LUZP2: variants seen among roughly 807,000 people sequenced by gnomAD.
LUZP2 encodes leucine zipper protein 2.
A neutral mutation model predicts 51.6 loss-of-function variants in LUZP2; 52 were observed. That is an observed-to-expected ratio of 1.01 (90% CI 0.81 to 1.27). The LOEUF (loss-of-function observed/expected upper bound fraction) is 1.27, where lower values mean the gene tolerates loss of function less well. Ranked by LOEUF, LUZP2 falls within the 50% of genes most tolerant of loss-of-function variation. LUZP2 has a pLI of 0.00. For missense variants in LUZP2, 436 were observed against 395.4 expected (o/e 1.10, Z -0.87); for synonymous variants, 154 against 137.3 (o/e 1.12, Z -0.85).
At chr11:25,005,120 A>T (rs763009305) in intron 9 of LUZP2, among the ~76,000 whole-genome samples, 1 of 151,892 alleles carries the variant, frequency 6.6e-6, no homozygotes, top group African/African-American at 2.4e-5. Context: ...CAAATTCCCC[A>T]CCCCCTACAG....
intron 5 of LUZP2, among the ~76,000 whole-genome samples, chr11:24,831,228 T>A (rs1850693893): frequency 6.6e-6 from 1 of 152,228 alleles, no homozygotes; most frequent in African/African-American, 2.4e-5. Flanking sequence ...TTCATATCTC[T>A]TGTTCCATTG....
At chr11:25,025,641 TAAC>T (rs993714965) in intron 9 of LUZP2, among the ~76,000 whole-genome samples, 2 of 151,866 alleles carry the variant, frequency 1.3e-5, no homozygotes, top group African/African-American at 4.8e-5. Flanking sequence ...AGTCAGGAAA[TAAC>T]AGGTGCTGGG....
chr11:25,022,550 C>G (rs1857368783), intron 9 of LUZP2, among the ~76,000 whole-genome samples: 1 of 151,924 alleles, frequency 6.6e-6, no homozygotes, highest in South Asian at 2.1e-4. Flanking sequence ...GCCATGGGCT[C>G]TCTTCACCAA....
intron 5 of LUZP2, among the ~76,000 whole-genome samples, chr11:24,815,623 A>G (rs1850157504): frequency 1.3e-5 from 2 of 152,340 alleles, no homozygotes; most frequent in Non-Finnish European, 2.9e-5. Flanking sequence ...TTAAAGCAGT[A>G]GTATCTCTCT....
At position 24,572,695 on chromosome 11, in the gene LUZP2, G is replaced by A. The variant is rs948377709; in HGVS notation, c.62+75390G>A. On this transcript the variant is annotated intron_variant, in intron 1 of 11. Transcript: ENST00000336930. ...ACAGCTTGATGTCTCTCTGCATCAG[G>A]GATTTTGGATTATAATATCCTCAGT... 3.3e-5 allele frequency among the ~76,000 whole-genome samples: 5 copies of A among 151,888 alleles called. No individual in the cohort carries two copies. In the East Asian group the frequency reaches 9.7e-4, roughly 29 times the overall value.
chr11:24,610,579 G>T (rs563128347), intron 1 of LUZP2, among the ~76,000 whole-genome samples: 32 of 152,276 alleles, frequency 2.1e-4, no homozygotes, highest in Admixed American at 6.5e-4. Context: ...ACATCTCACA[G>T]AATCCAGTGG....
chr11:24,569,612 A>T (rs1364022180), intron 1 of LUZP2, among the ~76,000 whole-genome samples: 1 of 152,054 alleles, frequency 6.6e-6, no homozygotes. Flanking sequence ...TATTATATAA[A>T]ATGTAGCAGA....
At chr11:24,507,731 G>A (rs1026629934) in intron 1 of LUZP2, among the ~76,000 whole-genome samples, 3 of 151,968 alleles carry the variant, frequency 2.0e-5, no homozygotes, top group African/African-American at 4.8e-5. Flanking sequence ...TAGGCTACTT[G>A]GGGCAGGAAA....
chr11:24,765,070 T>G (rs1860130689), intron 5 of LUZP2, among the ~76,000 whole-genome samples: 1 of 152,186 alleles, frequency 6.6e-6, no homozygotes, highest in African/African-American at 2.4e-5. Context: ...CCAAAAAAGC[T>G]TTGGTCTTTT....
intron 10 of LUZP2, among the ~76,000 whole-genome samples, chr11:25,062,587 C>CA (rs1163708322): frequency 0.035 from 1,500 of 43,014 alleles, 255 homozygotes; most frequent in African/African-American, 0.069. Flanking sequence ...AAGACCCTGT[C>CA]AAAAAAAAAA....
At chr11:24,738,579 G>A (rs917511626) in intron 4 of LUZP2, among the ~76,000 whole-genome samples, 6 of 151,960 alleles carry the variant, frequency 3.9e-5, no homozygotes, top group African/African-American at 1.4e-4. Context: ...CTGGTGTCAG[G>A]GCTTCATCAG....
chr11:24,915,489 G>A (rs1027751160), intron 7 of LUZP2, among the ~76,000 whole-genome samples: 7 of 151,986 alleles, frequency 4.6e-5, no homozygotes, highest in African/African-American at 1.2e-4. Context: ...AGAGTTTTTC[G>A]AGAAGATTCT....
intron 1 of LUZP2, among the ~76,000 whole-genome samples, chr11:24,580,285 T>C (rs1852801718): frequency 6.6e-6 from 1 of 152,162 alleles, no homozygotes; most frequent in Admixed American, 6.5e-5. Context: ...AGGACATCAT[T>C]GTTTAAATCC....
intron 5 of LUZP2, among the ~76,000 whole-genome samples, chr11:24,904,265 G>A (rs1490685893): frequency 2.0e-5 from 3 of 152,014 alleles, no homozygotes; most frequent in Non-Finnish European, 2.9e-5. Context: ...CTTCCTGTGA[G>A]AAATGTTTAT....
At chr11:24,576,726 G>A (rs1852665285) in intron 1 of LUZP2, among the ~76,000 whole-genome samples, 1 of 151,956 alleles carries the variant, frequency 6.6e-6, no homozygotes, top group Non-Finnish European at 1.5e-5. Context: ...ATAATGAATT[G>A]TAGATAATTT....
intron 1 of LUZP2, among the ~76,000 whole-genome samples, chr11:24,524,255 TAATC>T (rs977619589): frequency 2.0e-4 from 31 of 151,794 alleles, no homozygotes; most frequent in African/African-American, 6.0e-4. Flanking sequence ...ATTCAAGACA[TAATC>T]AACTGCTAGT....
chr11:24,759,639 A>G, intron 4 of LUZP2, among the ~76,000 whole-genome samples: 1 of 152,178 alleles, frequency 6.6e-6, no homozygotes, highest in Non-Finnish European at 1.5e-5. Flanking sequence ...GGTTATTAAT[A>G]TAAGTAATAT....
chr11:24,955,246 A>G (rs866539621), intron 7 of LUZP2, among the ~76,000 whole-genome samples: 11 of 152,188 alleles, frequency 7.2e-5, no homozygotes, highest in South Asian at 4.1e-4. Flanking sequence ...AAGTTTCATA[A>G]AGATAGGGAT....
In LUZP2 at chr11:24,738,298, C is replaced by T. The variant is rs570443460; in HGVS notation, c.329C>T (p.Ala110Val). The T allele has an allele frequency of 2.5e-5, 41 of 1,610,704 alleles. No individual in the cohort carries two copies. The South Asian group carries it at 4.1e-4, about 16-fold the overall frequency. ...TCAGAGAAAGCAGAAAAACACCAGG[C>T]TACTGTAAGTGTGTTTCTTCTTTGT... ...ETSEKAEKHQ[A>V]TINFLKTEVE... The change falls in exon 4 of 12, where the codon GCT becomes GTT. Residue 110 changes from alanine to valine, a missense_variant. Ala to Val is a moderately conservative substitution (Grantham distance 64). Transcript: ENST00000336930.
Sources: gnomAD v4.1 joint callset for allele counts (sites outside exome capture counted in the v4.1 genomes callset) on GRCh38, gnomAD v4.1.1 for gene constraint, MANE v1.5 for transcripts, NCBI Gene and HGNC (gene_info 2026-07-23, HGNC 2026-07-21) for gene names.